Variants in GK5 observed in about 807,000 individuals in gnomAD.
The protein encoded by GK5 is glycerol kinase 5, also known as ATP:glycerol 3-phosphotransferase 5.
GK5 carries 39 observed loss-of-function variants against 77.3 expected under a neutral mutation model. The ratio of observed to expected loss-of-function variants is 0.50; its 90% CI spans 0.39 to 0.66. The LOEUF (loss-of-function observed/expected upper bound fraction) is 0.66. Among genes scored for constraint, GK5 ranks in the 30% least tolerant of loss-of-function variants. The pLI is 0.00. For synonymous variants in GK5, 211 were observed against 208.0 expected, an observed-to-expected ratio of 1.01 and a Z score of -0.13; for missense variants, 487 against 633.8, an observed-to-expected ratio of 0.77 and a Z score of 2.49.
intron 5 of GK5, among the ~76,000 whole-genome samples, chr3:142,197,947 T>C (rs2063958643): frequency 6.6e-6 from 1 of 150,688 alleles, no homozygotes; most frequent in East Asian, 2.0e-4. Context: ...CGCTTGAACC[T>C]GGGAGGCAGA....
In GK5 at chr3:142,191,192, G is replaced by C. The variant is rs547991546; in HGVS notation, c.544-3413C>G. ...CAAGTAGCTGGGACTACAGGTGCGT[G>C]GTAATTTTTGTATTTTTAGTAGAGA... is the stretch of plus-strand genomic sequence containing the variant. On this transcript the variant is annotated intron_variant, in intron 5 of 15. Coordinates refer to ENST00000392993, the MANE Select transcript of GK5 (RefSeq NM_001039547.3). Among the ~76,000 whole-genome samples the C allele has an allele frequency of 3.9e-5, 6 of 151,926 alleles. No individual in the cohort carries two copies. The South Asian group carries it at 1.0e-3, about 26-fold the overall frequency.
chr3:142,160,476 G>T lies in GK5; in HGVS notation c.*5146C>A, dbSNP rs190253451. The T allele has an allele frequency of 6.6e-6, 1 of 152,208 alleles. No homozygotes were observed. The highest frequency in any genetic ancestry group is 6.5e-5 in the Admixed American group (1 of 15,290). 9.4% of individuals were successfully genotyped at this position (152,208 alleles called of 1,614,324 possible). A position where few individuals can be genotyped will look rare whatever the true frequency, so the allele number is the denominator to read the frequency against. On this transcript the variant is annotated 3_prime_UTR_variant, in exon 16 of 16. Coordinates refer to ENST00000392993, the MANE Select transcript of GK5 (RefSeq NM_001039547.3). ...TACAAAATTCTTGCAAGATTCCTGG[G>T]CTGGACTGTTTTAAATTAAAGACTG... is the stretch of plus-strand genomic sequence containing the variant.
In GK5 at chr3:142,225,499, G is replaced by A. The variant is rs1358213794; in HGVS notation, c.-44C>T. On this transcript the variant is annotated 5_prime_UTR_variant, in exon 1 of 16. Coordinates refer to ENST00000392993, the MANE Select transcript of GK5 (RefSeq NM_001039547.3). ...TCCGCTACAGCCGCCTACCCAGAGGGCGCGCTACAAATCCCAATGCTCCAG... is the reference window on the plus strand; with the variant it reads ...TCCGCTACAGCCGCCTACCCAGAGGACGCGCTACAAATCCCAATGCTCCAG... The A allele has an allele frequency of 1.9e-6, 3 of 1,583,176 alleles. No homozygotes were observed. In the Admixed American group the frequency reaches 5.2e-5, roughly 27 times the overall value.
chr3:142,196,194 A>G (rs949953271), intron 5 of GK5, among the ~76,000 whole-genome samples: 5 of 152,070 alleles, frequency 3.3e-5, no homozygotes, highest in Admixed American at 1.3e-4. Flanking sequence ...ATAATAATTC[A>G]TAATTTTAGT....
intron 1 of GK5, among the ~76,000 whole-genome samples, chr3:142,225,081 C>G (rs2064408656): frequency 6.6e-6 from 1 of 152,208 alleles, no homozygotes; most frequent in South Asian, 2.1e-4. Flanking sequence ...GGGCCCCTGG[C>G]ACCCTCAGCC....
chr3:142,180,213 T>C (rs1217765826), intron 11 of GK5, among the ~76,000 whole-genome samples: 3 of 152,198 alleles, frequency 2.0e-5, no homozygotes, highest in South Asian at 4.1e-4. Flanking sequence ...GGCAATCCTG[T>C]GGCTGCAGTG....
chr3:142,191,433 G>A (rs912689667), intron 5 of GK5, among the ~76,000 whole-genome samples: 6 of 152,016 alleles, frequency 3.9e-5, no homozygotes, highest in African/African-American at 1.2e-4. Context: ...GGCTAGGTGC[G>A]ATAGCTCACA....
At chr3:142,195,218 T>C (rs2063916988) in intron 5 of GK5, among the ~76,000 whole-genome samples, 2 of 152,240 alleles carry the variant, frequency 1.3e-5, no homozygotes, top group African/African-American at 4.8e-5. Flanking sequence ...CCATATTAAT[T>C]GATTTTTTGA....
At chr3:142,213,772 C>T (rs529529442) in intron 2 of GK5, among the ~76,000 whole-genome samples, 171 bp from the exon 3 acceptor site, 2 of 152,176 alleles carry the variant, frequency 1.3e-5, no homozygotes, top group South Asian at 4.1e-4. Context: ...GATGATTCTG[C>T]AGCATTTTTT....
At chr3:142,172,554 G>A in intron 12 of GK5, 98 bp from the exon 13 acceptor site, 2 of 529,506 alleles carry the variant, frequency 3.8e-6, no homozygotes, top group South Asian at 4.1e-5. Context: ...CACGTTAGAA[G>A]AAAATAATGC....
chr3:142,183,499 T>TC (rs1203139917), intron 9 of GK5: 1 of 153,102 alleles, frequency 6.5e-6, no homozygotes, highest in Non-Finnish European at 1.4e-5. Flanking sequence ...TGAGACGGAG[T>TC]CTTACTCTGT....
At chr3:142,209,401 G>C (rs1490213806) in intron 3 of GK5, among the ~76,000 whole-genome samples, 1 of 152,154 alleles carries the variant, frequency 6.6e-6, no homozygotes, top group African/African-American at 2.4e-5. Flanking sequence ...AAAATCACAA[G>C]ATGAAAGTGG....
At chr3:142,183,092 G>A in intron 9 of GK5, 43 bp from the exon 10 acceptor site, 1 of 1,579,148 alleles carries the variant, frequency 6.3e-7, no homozygotes, top group Non-Finnish European at 8.6e-7. Context: ...CCTTAACAGT[G>A]GCCAATTTTA....
chr3:142,172,182 A>G (rs1277692807), intron 13 of GK5, among the ~76,000 whole-genome samples, 171 bp downstream of exon 13: 1 of 152,192 alleles, frequency 6.6e-6, no homozygotes, highest in Non-Finnish European at 1.5e-5. Flanking sequence ...AAAATAAGAA[A>G]GATACCATGG....
intron 4 of GK5, among the ~76,000 whole-genome samples, chr3:142,200,836 C>G (rs901565473): frequency 6.6e-6 from 1 of 152,108 alleles, no homozygotes; most frequent in Non-Finnish European, 1.5e-5. Context: ...TGTTGCTAGG[C>G]CTTGTAAAAA....
intron 10 of GK5, among the ~76,000 whole-genome samples, chr3:142,182,499 C>G (rs1435170327): frequency 3.3e-5 from 5 of 152,022 alleles, no homozygotes; most frequent in African/African-American, 1.2e-4. Flanking sequence ...TGCCGGACAC[C>G]ATGCCCCCAG....
intron 3 of GK5, among the ~76,000 whole-genome samples, chr3:142,207,387 C>T (rs993186560): frequency 2.6e-5 from 4 of 152,156 alleles, no homozygotes; most frequent in Admixed American, 2.0e-4. Context: ...TTGTTTCTAA[C>T]CAGCTTTTGT....
At position 142,218,111 on chromosome 3, in the gene GK5, C is replaced by A. The variant is rs573232863; in HGVS notation, c.148-2419G>T. ...GATCAATGGAACAGAATACAGAGTC[C>A]AGAAATAGACTCACACAAATATGAC... On this transcript the variant is annotated intron_variant, in intron 1 of 15. Transcript: ENST00000392993. Among the ~76,000 whole-genome samples the A allele has an allele frequency of 2.0e-5, 3 of 151,152 alleles. No homozygotes were observed. In the East Asian group the frequency reaches 5.8e-4, roughly 29 times the overall value.
intron 5 of GK5, 95 bp downstream of exon 5, chr3:142,198,707 T>C: frequency 9.2e-7 from 1 of 1,081,700 alleles, no homozygotes; most frequent in Middle Eastern, 2.2e-4. Flanking sequence ...ATAATCAAAT[T>C]ACTATCTTTA....
Sources: gnomAD v4.1 joint callset for allele counts (sites outside exome capture counted in the v4.1 genomes callset) on GRCh38, gnomAD v4.1.1 for gene constraint, MANE v1.5 for transcripts, NCBI Gene and HGNC (gene_info 2026-07-23, HGNC 2026-07-21) for gene names.